The following ACAT1 variants were observed in gnomAD, a reference collection of about 807,000 sequenced individuals.
ACAT1 encodes the protein acetyl-CoA acetyltransferase 1, also known as acetyl-CoA acetyltransferase, mitochondrial.
ACAT1 carries 28 observed loss-of-function variants against 47.3 expected under a neutral mutation model. That is an observed-to-expected ratio of 0.59 (90% CI 0.44 to 0.81). ACAT1 has a LOEUF of 0.81. Ranked by LOEUF, ACAT1 falls within the 30% of genes least tolerant of loss-of-function variation. The pLI is 0.00. For missense variants in ACAT1, 469 were observed against 524.3 expected (o/e 0.89, Z 1.03); for synonymous variants, 181 against 173.6 (o/e 1.04, Z -0.34).
At chr11:108,141,152 C>T (rs1591369688) in intron 7 of ACAT1, among the ~76,000 whole-genome samples, 2 of 152,016 alleles carry the variant, frequency 1.3e-5, no homozygotes, top group African/African-American at 2.4e-5. Flanking sequence ...CAATTGAGCC[C>T]AGGAGTCCGA....
intron 4 of ACAT1, 149 bp from the exon 5 acceptor site, chr11:108,134,993 A>G: frequency 3.5e-6 from 2 of 573,146 alleles, no homozygotes; most frequent in Non-Finnish European, 3.1e-6. Flanking sequence ...AATGAAGGTT[A>G]TTTAAGCTTA....
intron 1 of ACAT1, among the ~76,000 whole-genome samples, chr11:108,128,373 C>T (rs1293588477): frequency 6.6e-6 from 1 of 152,128 alleles, no homozygotes; most frequent in African/African-American, 2.4e-5. Flanking sequence ...GGCGGATCAC[C>T]TGAGGTCAGG....
At chr11:108,143,497 G>C (rs1307423883) in intron 9 of ACAT1, 1 of 152,334 alleles carries the variant, frequency 6.6e-6, no homozygotes, top group Non-Finnish European at 1.5e-5. Flanking sequence ...CCGATTTTTA[G>C]CTGCAGAAAT....
chr11:108,132,620 C>T (rs7927326), intron 2 of ACAT1, among the ~76,000 whole-genome samples: 3,646 of 151,714 alleles, frequency 0.024, 161 homozygotes, highest in African/African-American at 0.08. Flanking sequence ...TTTGGGAGGC[C>T]GAGGCAGGTG....
intron 4 of ACAT1, 65 bp from the exon 5 acceptor site, chr11:108,135,077 C>A: frequency 9.5e-7 from 1 of 1,054,810 alleles, no homozygotes; most frequent in Non-Finnish European, 1.5e-6. Context: ...TAGTAACATG[C>A]TCTATTAAGT....
At chr11:108,122,450 G>A (rs1348100776) in intron 1 of ACAT1, among the ~76,000 whole-genome samples, 1 of 152,214 alleles carries the variant, frequency 6.6e-6, no homozygotes, top group Non-Finnish European at 1.5e-5. Context: ...TAGGTCGATG[G>A]GGGCAATAAG....
intron 5 of ACAT1, among the ~76,000 whole-genome samples, chr11:108,137,993 G>T (rs2077498416): frequency 6.6e-6 from 1 of 151,684 alleles, no homozygotes; most frequent in Non-Finnish European, 1.5e-5. Flanking sequence ...AAGATTTCTG[G>T]TATTTTTTTT....
upstream of ACAT1, chr11:108,121,563 C>G (rs1020954601): frequency 1.3e-6 from 2 of 1,542,322 alleles, no homozygotes; most frequent in African/African-American, 2.7e-5. Context: ...GGGAGGAGGC[C>G]GCTAGTCTAC....
chr11:108,122,540 A>G (rs1472200314), intron 1 of ACAT1, among the ~76,000 whole-genome samples: 2 of 152,194 alleles, frequency 1.3e-5, no homozygotes, highest in Non-Finnish European at 2.9e-5. Flanking sequence ...TTTTGTTGCA[A>G]TGGTAGGTCA....
chr11:108,140,778 A>G (rs1054147340), intron 7 of ACAT1, among the ~76,000 whole-genome samples: 5 of 152,230 alleles, frequency 3.3e-5, no homozygotes, highest in African/African-American at 1.2e-4. Context: ...TTTAGGTTAC[A>G]ATTCTATTCC....
At chr11:108,135,656 C>A (rs189867576) in intron 5 of ACAT1, among the ~76,000 whole-genome samples, 10 of 151,918 alleles carry the variant, frequency 6.6e-5, no homozygotes, top group African/African-American at 2.2e-4. Context: ...GGTGAAACCC[C>A]GTCTCTACTA....
At chr11:108,123,112 G>T (rs929951140) in intron 1 of ACAT1, among the ~76,000 whole-genome samples, 2 of 152,104 alleles carry the variant, frequency 1.3e-5, no homozygotes, top group Admixed American at 1.3e-4. Context: ...GCAGGCGCCT[G>T]TAATCCCAGC....
In ACAT1 at chr11:108,147,441, G is replaced by GTAA; in HGVS notation, c.*53_*55dup. On this transcript the variant is annotated 3_prime_UTR_variant, in exon 12 of 12. Transcript: ENST00000265838. The stretch of plus-strand genomic sequence containing the variant: ...ACCCTATGTGACCAGAAGGCCTGCT[G>GTAA]TAATCAGTGTGACTACTGTGGGTCA... 1 of 1,590,162 alleles carries GTAA rather than the reference G, an allele frequency of 6.3e-7. No homozygotes were observed. The highest frequency in any genetic ancestry group is 8.6e-7 in the Non-Finnish European group (1 of 1,162,848).
chr11:108,118,510 GACT>G (rs1864993998), upstream of ACAT1, among the ~76,000 whole-genome samples: 1 of 152,112 alleles, frequency 6.6e-6, no homozygotes, highest in Admixed American at 6.6e-5. Context: ...AGGTAGCTGG[GACT>G]ACAGGTGGCC....
chr11:108,141,498 A>G (rs2077584918), intron 7 of ACAT1, 107 bp from the exon 8 acceptor site: 1 of 763,076 alleles, frequency 1.3e-6, no homozygotes, highest in African/African-American at 1.7e-5. Context: ...GTTTAAGTGA[A>G]GCAGGGATAC....
chr11:108,141,375 A>AAAAAAG, intron 7 of ACAT1, among the ~76,000 whole-genome samples: 1 of 121,442 alleles, frequency 8.2e-6, no homozygotes, highest in African/African-American at 2.6e-5. Flanking sequence ...GCCTCAAAAA[A>AAAAAAG]AAAAAAAAAA....
In ACAT1 at chr11:108,134,191, C is replaced by A. The variant is rs201990142; in HGVS notation, c.239-30C>A. On this transcript the variant is annotated intron_variant, in intron 3 of 11. Coordinates refer to ENST00000265838, the MANE Select transcript of ACAT1 (RefSeq NM_000019.4). Reference sequence around the variant, plus strand: ...ACTGATTATTAAATTGAATTAAATGCCTTTTTGACTTTTTTTTTTTTTAAT... The same window carrying A: ...ACTGATTATTAAATTGAATTAAATGACTTTTTGACTTTTTTTTTTTTTAAT... The A allele has an allele frequency of 3.3e-6, 5 of 1,527,808 alleles. No individual in the cohort carries two copies. In the Admixed American group the frequency reaches 6.8e-5, roughly 21 times the overall value. 94.6% of individuals were successfully genotyped at this position (1,527,808 alleles called of 1,614,324 possible).
At chr11:108,116,876 G>T (rs1217803346), upstream of ACAT1, among the ~76,000 whole-genome samples, 1 of 152,116 alleles carries the variant, frequency 6.6e-6, no homozygotes, top group East Asian at 1.9e-4. Flanking sequence ...GCCAACACCT[G>T]GATCTTGGAC....
rs146188525 is a variant in ACAT1 at position 108,138,984 on chromosome 11, G to T, written c.522G>T (p.Lys174Asn). The T allele has an allele frequency of 8.1e-6, 13 of 1,614,036 alleles. No homozygotes were observed. The highest frequency in any genetic ancestry group is 2.2e-5 in the East Asian group (1 of 44,892). Reference sequence around the variant, plus strand: ...GATCAACACCATATGGTGGGGTAAAGCTTGAAGATTTGATTGTAAAAGACG... The same window carrying T: ...GATCAACACCATATGGTGGGGTAAATCTTGAAGATTTGATTGTAAAAGACG... ...NRGSTPYGGV[K>N]LEDLIVKDGL... The change falls in exon 6 of 12, where the codon AAG becomes AAT. Residue 174 changes from lysine (K) to asparagine (N), a missense_variant. Lys to Asn is a moderately conservative substitution (Grantham distance 94). Transcript: ENST00000265838.
Sources: allele counts gnomAD v4.1 joint callset (sites outside exome capture counted in the v4.1 genomes callset), GRCh38; gene constraint gnomAD v4.1.1; transcripts MANE v1.5; gene names NCBI Gene and HGNC (gene_info 2026-07-23, HGNC 2026-07-21).